MYO1D: variants seen among roughly 807,000 people sequenced by gnomAD.
MYO1D encodes unconventional myosin-Id.
In MYO1D, 83 loss-of-function variants were observed where a neutral mutation model predicts 122.0. The observed-to-expected ratio is 0.68, with a 90% CI of 0.57 to 0.82. The LOEUF (loss-of-function observed/expected upper bound fraction) is 0.82. Ranked by LOEUF, MYO1D falls within the 40% of genes least tolerant of loss-of-function variation. The pLI is 0.00. For synonymous variants in MYO1D, 464 were observed against 446.9 expected (o/e 1.04, Z -0.48); for missense variants, 1,157 against 1,269.5 (o/e 0.91, Z 1.35).
chr17:32,851,816 T>C (rs2090991984), intron 1 of MYO1D, among the ~76,000 whole-genome samples: 2 of 152,318 alleles, frequency 1.3e-5, no homozygotes, highest in Admixed American at 6.5e-5. Context: ...ATGCTGCTCA[T>C]CTGTCAGGAG....
Position 32,499,654 on chromosome 17 carries a change from A to T in MYO1D, c.2865-4739T>A, listed in dbSNP as rs771383339. Among the ~76,000 whole-genome samples the T allele has an allele frequency of 3.5e-4, 53 of 151,882 alleles. 2 individuals are homozygous for T. Among genetic ancestry groups the T allele is most frequent in the Admixed American group, 7.2e-4 (11 of 15,244 alleles). On this transcript the variant is annotated intron_variant, in intron 21 of 21. Transcript: ENST00000318217. ...GTCTCCAAAAATAAAAAAATAAAAA[A>T]AAATAAACAAATAAAAATAAAAAGC...
intron 16 of MYO1D, among the ~76,000 whole-genome samples, chr17:32,711,287 A>T (rs2089372671): frequency 6.6e-6 from 1 of 152,204 alleles, no homozygotes; most frequent in African/African-American, 2.4e-5. Flanking sequence ...GGTGGTGAGT[A>T]GGTAATGATA....
At chr17:32,641,929 A>G (rs2088206685) in intron 19 of MYO1D, among the ~76,000 whole-genome samples, 1 of 152,112 alleles carries the variant, frequency 6.6e-6, no homozygotes, top group Non-Finnish European at 1.5e-5. Context: ...GAAGCTCTTT[A>G]GTTTAATTAG....
At chr17:32,677,574 TAG>T (rs1165390068) in intron 16 of MYO1D, among the ~76,000 whole-genome samples, 6 of 110,240 alleles carry the variant, frequency 5.4e-5, no homozygotes, top group Non-Finnish European at 1.1e-4. Context: ...GATATATAGA[TAG>T]ATAAATATAT....
Position 32,576,899 on chromosome 17 carries a change from T to TG in MYO1D, c.2864+28187dup, listed in dbSNP as rs1180934326. Among the ~76,000 whole-genome samples, 5 of 152,306 alleles carry TG rather than the reference T, an allele frequency of 3.3e-5. No individual in the cohort carries two copies. The East Asian group carries it at 9.6e-4, about 29-fold the overall frequency. ...CTCGCTTTGTTGCCCAGGCTGCTCTTGAACTTCTGGGCTCAAAAGATCTTC... is the reference window on the plus strand; with the variant it reads ...CTCGCTTTGTTGCCCAGGCTGCTCTTGGAACTTCTGGGCTCAAAAGATCTTC... On this transcript the variant is annotated intron_variant, in intron 21 of 21. Transcript: ENST00000318217.
chr17:32,625,808 G>T (rs1330262627), intron 20 of MYO1D, among the ~76,000 whole-genome samples: 1 of 152,178 alleles, frequency 6.6e-6, no homozygotes, highest in African/African-American at 2.4e-5. Context: ...TGGGATTACA[G>T]GTGTGAGCCA....
chr17:32,677,825 G>A (rs2088844859), intron 16 of MYO1D, among the ~76,000 whole-genome samples: 1 of 151,976 alleles, frequency 6.6e-6, no homozygotes, highest in Admixed American at 6.6e-5. Flanking sequence ...AGTTATTTCT[G>A]TATGTGAACC....
intron 1 of MYO1D, among the ~76,000 whole-genome samples, chr17:32,793,405 AAGAT>A (rs1240696927): frequency 6.6e-6 from 1 of 152,064 alleles, no homozygotes; most frequent in Admixed American, 6.5e-5. Context: ...GGCAATAACA[AAGAT>A]AGAAAGAATG....
chr17:32,738,977 A>AT (rs1389552066), intron 13 of MYO1D, among the ~76,000 whole-genome samples: 2 of 152,322 alleles, frequency 1.3e-5, no homozygotes, highest in South Asian at 2.1e-4. Flanking sequence ...GGCAGTTACA[A>AT]TATTTTATTG....
chr17:32,830,012 C>G (rs1222743128), intron 1 of MYO1D, among the ~76,000 whole-genome samples: 1 of 152,040 alleles, frequency 6.6e-6, no homozygotes, highest in Admixed American at 6.6e-5. Context: ...AAAAAGAGCT[C>G]CCAGAAAAGG....
chr17:32,521,065 C>T (rs1197409912), intron 21 of MYO1D, among the ~76,000 whole-genome samples: 2 of 152,212 alleles, frequency 1.3e-5, no homozygotes, highest in Non-Finnish European at 2.9e-5. Context: ...GATCAGACCT[C>T]AGTTTGGAAG....
intron 20 of MYO1D, 148 bp from the exon 21 acceptor site, chr17:32,605,389 G>T: frequency 1.6e-6 from 1 of 612,986 alleles, no homozygotes; most frequent in Non-Finnish European, 2.6e-6. Flanking sequence ...GAGCCCTGGA[G>T]TTTGAATCCA....
chr17:32,804,026 C>G (rs2090484865), intron 1 of MYO1D, among the ~76,000 whole-genome samples: 1 of 152,150 alleles, frequency 6.6e-6, no homozygotes, highest in African/African-American at 2.4e-5. Context: ...TATTTATATG[C>G]AGTCATCCCT....
intron 11 of MYO1D, 143 bp downstream of exon 11, chr17:32,755,349 A>C (rs770480660): frequency 3.0e-5 from 26 of 881,072 alleles, no homozygotes; most frequent in Non-Finnish European, 5.1e-6. Context: ...CCACAGCAAC[A>C]AATCATTTAA....
At chr17:32,603,070 TAAA>T (rs3040377) in intron 21 of MYO1D, among the ~76,000 whole-genome samples, 1 of 148,398 alleles carries the variant, frequency 6.7e-6, no homozygotes, top group Admixed American at 6.7e-5. Flanking sequence ...CACCAAGAAT[TAAA>T]AAAAAAAAAT....
intron 5 of MYO1D, 58 bp downstream of exon 5, chr17:32,772,731 T>C (rs1336311745): frequency 1.4e-6 from 2 of 1,391,818 alleles, no homozygotes; most frequent in African/African-American, 2.8e-5. Flanking sequence ...AAGACACAAA[T>C]ACTCATTTCC....
chr17:32,780,935 G>T, intron 1 of MYO1D, 151 bp from the exon 2 acceptor site: 1 of 787,264 alleles, frequency 1.3e-6, no homozygotes, highest in South Asian at 1.8e-5. Context: ...AACTTGTAGA[G>T]AATGTTTGAG....
chr17:32,654,580 T>C lies in MYO1D; in HGVS notation c.2387A>G (p.Asp796Gly), dbSNP rs772065863. ...AACCTTTGCCCTGACCTGGGGCAGGTCTGAGGCCGGAATGCTCTTGATGAG... is the reference window on the plus strand; with the variant it reads ...AACCTTTGCCCTGACCTGGGGCAGGCCTGAGGCCGGAATGCTCTTGATGAG... ...SQLIKSIPAS[D>G]LPQVRAKVAA... The change falls in exon 18 of 22, where the codon GAC becomes GGC. Residue 796 changes from aspartate to glycine, a missense_variant. Coordinates refer to ENST00000318217, the MANE Select transcript of MYO1D (RefSeq NM_015194.3). The C allele has an allele frequency of 4.3e-6, 7 of 1,613,850 alleles. No homozygotes were observed. Among genetic ancestry groups the C allele is most frequent in the Non-Finnish European group, 5.9e-6 (7 of 1,179,876 alleles).
At chr17:32,570,376 T>A (rs2150895141) in intron 21 of MYO1D, among the ~76,000 whole-genome samples, 1 of 152,186 alleles carries the variant, frequency 6.6e-6, no homozygotes, top group Non-Finnish European at 1.5e-5. Flanking sequence ...AAAAAATTTT[T>A]TTTTTTGAGA....
Sources: gnomAD v4.1 joint callset for allele counts (sites outside exome capture counted in the v4.1 genomes callset) on GRCh38, gnomAD v4.1.1 for gene constraint, MANE v1.5 for transcripts, NCBI Gene and HGNC (gene_info 2026-07-23, HGNC 2026-07-21) for gene names.